The following INPP5A variants were observed in gnomAD, a reference collection of about 807,000 sequenced individuals.
INPP5A encodes 43 kDa inositol polyphosphate 5-phophatase.
In INPP5A, 14 loss-of-function variants were observed where a neutral mutation model predicts 65.2. The observed-to-expected ratio is 0.21, with a 90% CI of 0.14 to 0.34. INPP5A has a LOEUF of 0.34. INPP5A is among the 10% of genes least tolerant of loss of function. The pLI, the probability that INPP5A is intolerant of heterozygous loss-of-function variation, is 1.00. For synonymous variants in INPP5A, 207 were observed against 208.3 expected, an observed-to-expected ratio of 0.99 and a Z score of 0.05; for missense variants, 431 against 545.6, an observed-to-expected ratio of 0.79 and a Z score of 2.09.
intron 1 of INPP5A, among the ~76,000 whole-genome samples, chr10:132,569,275 C>G (rs2133281441): frequency 6.6e-6 from 1 of 152,246 alleles, no homozygotes; most frequent in African/African-American, 2.4e-5. Flanking sequence ...AAAATTTTAT[C>G]TCACATGGTT....
intron 1 of INPP5A, among the ~76,000 whole-genome samples, chr10:132,544,093 G>C (rs879827964): frequency 2.0e-5 from 3 of 152,254 alleles, no homozygotes; most frequent in Admixed American, 1.3e-4. Flanking sequence ...CCAGGGTTCT[G>C]GTTTCTGCAC....
intron 4 of INPP5A, among the ~76,000 whole-genome samples, chr10:132,668,347 G>A (rs985792604): frequency 1.3e-5 from 2 of 152,164 alleles, no homozygotes; most frequent in Non-Finnish European, 1.5e-5. Flanking sequence ...GCAAAGTGAC[G>A]CCCTGTAACT....
rs764395759 is a variant in INPP5A at position 132,765,865 on chromosome 10, G to T, written c.977+19G>T. The T allele has an allele frequency of 1.3e-6, 2 of 1,530,018 alleles. No homozygotes were observed. The highest frequency in any genetic ancestry group is 1.8e-6 in the Non-Finnish European group (2 of 1,103,368). 94.8% of individuals were successfully genotyped at this position (1,530,018 alleles called of 1,614,324 possible). The stretch of plus-strand genomic sequence containing the variant: ...CTCCCAGGTATGGAACATGCTGTTT[G>T]CTGGATGAACCCGGCCGGGAAGGTG... On this transcript the variant is annotated intron_variant, in intron 12 of 15. Transcript: ENST00000368594.
At chr10:132,700,277 G>T (rs1303754823) in intron 6 of INPP5A, among the ~76,000 whole-genome samples, 2 of 152,232 alleles carry the variant, frequency 1.3e-5, no homozygotes, top group African/African-American at 4.8e-5. Context: ...GTCGCTGTCT[G>T]CGGCCTGGTG....
chr10:132,669,191 TGCAGTGA>T (rs2072848616), intron 4 of INPP5A, among the ~76,000 whole-genome samples: 1 of 152,096 alleles, frequency 6.6e-6, no homozygotes, highest in Non-Finnish European at 1.5e-5. Context: ...AGGCGGAGCT[TGCAGTGA>T]GCAGACATCG....
At chr10:132,628,761 G>T (rs1020350989) in intron 2 of INPP5A, among the ~76,000 whole-genome samples, 39 of 152,242 alleles carry the variant, frequency 2.6e-4, no homozygotes, top group Middle Eastern at 3.4e-3. Context: ...ATAGAAAGAT[G>T]GTCAAAAGCT....
chr10:132,745,052 G>A (rs2134627158), intron 9 of INPP5A, among the ~76,000 whole-genome samples: 1 of 152,332 alleles, frequency 6.6e-6, no homozygotes, highest in East Asian at 1.9e-4. Flanking sequence ...GCTGGCTCAG[G>A]AGGCCACAGA....
intron 4 of INPP5A, among the ~76,000 whole-genome samples, chr10:132,666,793 G>A (rs1327765694): frequency 6.6e-6 from 1 of 152,230 alleles, no homozygotes; most frequent in East Asian, 1.9e-4. Flanking sequence ...CCCCCAGCGT[G>A]TGCTGTGCAG....
intron 1 of INPP5A, among the ~76,000 whole-genome samples, chr10:132,542,328 A>G (rs2070917307): frequency 6.6e-6 from 1 of 152,210 alleles, no homozygotes; most frequent in South Asian, 2.1e-4. Flanking sequence ...GGACCTGAGC[A>G]CCTTGCAGTC....
At chr10:132,695,309 A>G (rs1053245411) in intron 5 of INPP5A, among the ~76,000 whole-genome samples, 6 of 152,216 alleles carry the variant, frequency 3.9e-5, no homozygotes, top group Non-Finnish European at 7.3e-5. Flanking sequence ...CATTGTTTGA[A>G]AAAAAACTCC....
intron 4 of INPP5A, among the ~76,000 whole-genome samples, chr10:132,656,797 A>G (rs1357385105): frequency 6.6e-6 from 1 of 152,184 alleles, no homozygotes; most frequent in Non-Finnish European, 1.5e-5. Flanking sequence ...AGACCCTTCC[A>G]CAGCTGCTCA....
In INPP5A at chr10:132,642,480, C is replaced by A. The variant is rs866649974; in HGVS notation, c.118-3388C>A. Among the ~76,000 whole-genome samples, 3 of 152,328 alleles carry A rather than the reference C, an allele frequency of 2.0e-5. No homozygotes were observed. In the Middle Eastern group the frequency reaches 0.01, roughly 518 times the overall value. ...ACCGCCTTACTCCTGCCGTGACAGC[C>A]CAGGAAATGCTGTAAAATCTAGTTA... is the stretch of plus-strand genomic sequence containing the variant. On this transcript the variant is annotated intron_variant, in intron 2 of 15. Transcript: ENST00000368594.
intron 4 of INPP5A, among the ~76,000 whole-genome samples, chr10:132,683,094 CGT>C (rs1213243057): frequency 6.7e-6 from 1 of 149,306 alleles, no homozygotes; most frequent in Non-Finnish European, 1.5e-5. Flanking sequence ...CACGTGCACA[CGT>C]GTGTGTTATC....
Position 132,651,245 on chromosome 10 carries a change from C to G in INPP5A, c.306+740C>G, listed in dbSNP as rs74161905. ...TGGGTCCCCCGGCCTGGATCCATCT[C>G]CCCCGTCTCTGGGGAGGCCCTGGGT... is the stretch of plus-strand genomic sequence containing the variant. On this transcript the variant is annotated intron_variant, in intron 4 of 15. Coordinates refer to ENST00000368594, the MANE Select transcript of INPP5A (RefSeq NM_005539.5). This position sits in a 1 kb window ranked among gnomAD's most constrained non-coding sequence, Gnocchi z 5.0. 7.2e-5 allele frequency among the ~76,000 whole-genome samples: 11 copies of G among 151,898 alleles called. No individual in the cohort carries two copies. Among genetic ancestry groups the G allele is most frequent in the African/African-American group, 2.7e-4 (11 of 41,440 alleles).
chr10:132,666,315 C>G (rs186822623), intron 4 of INPP5A, among the ~76,000 whole-genome samples: 75 of 152,298 alleles, frequency 4.9e-4, no homozygotes, highest in African/African-American at 1.7e-3. Context: ...GGTTTTAAAT[C>G]TGATTTCTGC....
chr10:132,578,579 T>C (rs2071439021), intron 1 of INPP5A, among the ~76,000 whole-genome samples: 1 of 142,584 alleles, frequency 7.0e-6, no homozygotes, highest in Admixed American at 7.0e-5. Flanking sequence ...GTCAGGAGAG[T>C]GTGCGGGGGC....
Position 132,782,146 on chromosome 10 carries a change from T to G in INPP5A, c.*117T>G. ...GAGAACCCGCCCAAGCGCCACCTGCTAGACGGCCAGCCCCACACTTCGCTT... is the reference window on the plus strand; with the variant it reads ...GAGAACCCGCCCAAGCGCCACCTGCGAGACGGCCAGCCCCACACTTCGCTT... On this transcript the variant is annotated 3_prime_UTR_variant, in exon 16 of 16. Transcript: ENST00000368594. The surrounding 1 kb of genome is among the most constrained non-coding windows in gnomAD (Gnocchi z 4.4). 1.3e-6 allele frequency: 2 copies of G among 1,504,462 alleles called. No individual in the cohort carries two copies. The highest frequency in any genetic ancestry group is 1.8e-6 in the Non-Finnish European group (2 of 1,114,518). 93.2% of individuals were successfully genotyped at this position (1,504,462 alleles called of 1,614,324 possible).
intron 1 of INPP5A, among the ~76,000 whole-genome samples, chr10:132,593,862 T>TG (rs2133317939): frequency 6.6e-6 from 1 of 152,320 alleles, no homozygotes; most frequent in Non-Finnish European, 1.5e-5. Context: ...TCAAAGCTCT[T>TG]ATATGTTGCA....
intron 11 of INPP5A, among the ~76,000 whole-genome samples, chr10:132,752,329 G>A (rs1249122165): frequency 6.6e-6 from 1 of 151,798 alleles, no homozygotes; most frequent in East Asian, 1.9e-4. Flanking sequence ...GAAGGAGCTA[G>A]GAGACAGGGA....
Sources: allele counts gnomAD v4.1 joint callset (sites outside exome capture counted in the v4.1 genomes callset), GRCh38; gene constraint gnomAD v4.1.1; non-coding constraint Gnocchi (gnomAD v3.1); transcripts MANE v1.5; gene names NCBI Gene and HGNC (gene_info 2026-07-23, HGNC 2026-07-21).